PAPOLG: variants seen among roughly 807,000 people sequenced by gnomAD.
PAPOLG encodes the protein poly(A) polymerase gamma.
A neutral mutation model predicts 99.0 loss-of-function variants in PAPOLG; 40 were observed. The ratio of observed to expected loss-of-function variants is 0.40; its 90% CI spans 0.31 to 0.53. The LOEUF (loss-of-function observed/expected upper bound fraction) is 0.53, where lower values mean the gene tolerates loss of function less well. PAPOLG is among the 20% of genes least tolerant of loss of function. The probability of loss-of-function intolerance (pLI) is 0.41; values close to 1 mark genes in which losing one functional copy is unlikely to be tolerated. For missense variants in PAPOLG, 675 were observed against 884.1 expected, an observed-to-expected ratio of 0.76 and a Z score of 3.00; for synonymous variants, 310 against 299.3, an observed-to-expected ratio of 1.04 and a Z score of -0.37.
chr2:60,761,790 G>C lies in PAPOLG; in HGVS notation c.229G>C (p.Asp77His), dbSNP rs2103757922. 2 of 1,598,508 alleles carry C rather than the reference G, an allele frequency of 1.3e-6. No homozygotes were observed. Among genetic ancestry groups the C allele is most frequent in the Non-Finnish European group, 8.6e-7 (1 of 1,166,220 alleles). The part of the protein sequence containing the change: ...LNNLVKEWIS[D>H]VSESKNLPPS... ...CAATTTAGTAAAAGAATGGATTTCT[G>C]ATGTCAGCGAGAGTAAGGTAAGACT... Residue 77 changes from aspartate to histidine, a missense_variant, in exon 3 of 22, where the codon GAT becomes CAT. By Grantham distance (81) the Asp-to-His change is moderately conservative. Transcript: ENST00000238714.
intron 3 of PAPOLG, among the ~76,000 whole-genome samples, chr2:60,762,548 A>G (rs1670550119): frequency 6.6e-6 from 1 of 152,004 alleles, no homozygotes; most frequent in Non-Finnish European, 1.5e-5. Context: ...TCATTTCTAG[A>G]TTACTTAAAA....
Position 60,779,750 on chromosome 2 carries a change from A to C in PAPOLG, c.808A>C (p.Lys270Gln). The change falls in exon 9 of 22, where the codon AAG becomes CAG. Residue 270 changes from lysine (K) to glutamine (Q), a missense_variant. Transcript: ENST00000238714. ...TGCAGCAGCATCTACTTTAGTTCAT[A>C]AGTTCTTTTTAGTTTTTTCCAAGTG... ...PNAAASTLVH[K>Q]FFLVFSKWEW... 1.2e-6 allele frequency: 2 copies of C among 1,613,854 alleles called. No individual in the cohort carries two copies. Among genetic ancestry groups the C allele is most frequent in the Non-Finnish European group, 1.7e-6 (2 of 1,179,844 alleles).
chr2:60,778,231 C>T (rs1671079871), intron 8 of PAPOLG, among the ~76,000 whole-genome samples: 1 of 152,186 alleles, frequency 6.6e-6, no homozygotes, highest in South Asian at 2.1e-4. Context: ...ACTGCAGCCT[C>T]AACCTTCTGG....
chr2:60,795,838 G>A (rs185961883), intron 21 of PAPOLG, among the ~76,000 whole-genome samples: 1 of 152,170 alleles, frequency 6.6e-6, no homozygotes, highest in East Asian at 1.9e-4. Flanking sequence ...TTTAACATAA[G>A]ATTAAGTTAC....
At position 60,760,185 on chromosome 2, in the gene PAPOLG, C is replaced by G; in HGVS notation, c.69C>G (p.Ser23=). The stretch of plus-strand genomic sequence containing the variant: ...AACAAAAGCATTATGGAATTACCTC[C>G]CCAATTAGTTTGGCATCTCCTAAAG... ...QRQQKHYGIT[S]PISLASPKEI... The change falls in exon 2 of 22, where the codon TCC becomes TCG. Residue 23 remains serine (S), a synonymous_variant. Coordinates refer to ENST00000238714, the MANE Select transcript of PAPOLG (RefSeq NM_022894.4). 6.2e-7 allele frequency: 1 copy of G among 1,613,824 alleles called. No individual in the cohort carries two copies. The highest frequency in any genetic ancestry group is 8.5e-7 in the Non-Finnish European group (1 of 1,179,758).
intron 17 of PAPOLG, 73 bp from the exon 18 acceptor site, chr2:60,793,554 G>T (rs1671606196): frequency 6.5e-7 from 1 of 1,530,716 alleles, no homozygotes; most frequent in Non-Finnish European, 8.9e-7. Context: ...GTAGAATGAG[G>T]CCTTTTCTCA....
intron 1 of PAPOLG, among the ~76,000 whole-genome samples, chr2:60,758,328 G>GTTTTTTTTTTTT (rs61243299): frequency 1.4e-5 from 1 of 71,340 alleles, no homozygotes; most frequent in African/African-American, 5.7e-5. Context: ...GGTTTCTGGG[G>GTTTTTTTTTTTT]TTTTTTTTTT....
At chr2:60,797,001 T>C in intron 21 of PAPOLG, 61 bp from the exon 22 acceptor site, 2 of 1,596,404 alleles carry the variant, frequency 1.3e-6, no homozygotes, top group Non-Finnish European at 1.7e-6. Context: ...ACTTTCTAGC[T>C]GGGCCTTTAT....
At chr2:60,777,984 A>G (rs1671072386) in intron 8 of PAPOLG, among the ~76,000 whole-genome samples, 1 of 152,202 alleles carries the variant, frequency 6.6e-6, no homozygotes, top group Non-Finnish European at 1.5e-5. Flanking sequence ...AATTACTAAA[A>G]TGTGACACAG....
At chr2:60,757,743 T>A (rs980598041) in intron 1 of PAPOLG, among the ~76,000 whole-genome samples, 8 of 152,238 alleles carry the variant, frequency 5.3e-5, no homozygotes, top group Non-Finnish European at 1.0e-4. Flanking sequence ...CTTTTAGGTG[T>A]CTCTTTGTAC....
At chr2:60,767,441 A>T (rs187680211) in intron 3 of PAPOLG, among the ~76,000 whole-genome samples, 2 of 150,628 alleles carry the variant, frequency 1.3e-5, no homozygotes, top group Admixed American at 1.3e-4. Flanking sequence ...AGTAGCTGAG[A>T]CTACAGGCAC....
chr2:60,768,874 G>T lies in PAPOLG; in HGVS notation c.422G>T (p.Gly141Val). 6.3e-7 allele frequency: 1 copy of T among 1,586,700 alleles called. No individual in the cohort carries two copies. Among genetic ancestry groups the T allele is most frequent in the Admixed American group, 1.8e-5 (1 of 55,956 alleles). Residue 141 changes from glycine to valine, a missense_variant, in exon 5 of 22, where the codon GGC becomes GTC. Gly to Val is a moderately radical substitution (Grantham distance 109). This residue lies in a region of PAPOLG where 149 missense variants were observed against 192.1 expected (regional missense o/e 0.78). Coordinates refer to ENST00000238714, the MANE Select transcript of PAPOLG (RefSeq NM_022894.4). ...TTTGAAAAATTGAAACATCAAGATG[G>T]CATTAGAAACTTAAGAGTAAGTATC... ...SFFEKLKHQD[G>V]IRNLRAVEDA...
chr2:60,768,981 A>AAT, intron 5 of PAPOLG, 91 bp downstream of exon 5: 1 of 952,776 alleles, frequency 1.0e-6, no homozygotes. Context: ...AATACCTTCT[A>AAT]AGTTACTATT....
chr2:60,784,019 G>T (rs1671282281), intron 13 of PAPOLG, among the ~76,000 whole-genome samples: 1 of 151,748 alleles, frequency 6.6e-6, no homozygotes, highest in Non-Finnish European at 1.5e-5. Context: ...TGTTGCTGAG[G>T]CTGGAGTGCA....
chr2:60,790,639 G>A (rs1671503261), intron 15 of PAPOLG, among the ~76,000 whole-genome samples: 1 of 152,184 alleles, frequency 6.6e-6, no homozygotes, highest in African/African-American at 2.4e-5. Flanking sequence ...GGTATTCAGA[G>A]CTGTTTAGCC....
intron 7 of PAPOLG, among the ~76,000 whole-genome samples, chr2:60,774,781 G>A (rs1670967865): frequency 6.6e-6 from 1 of 152,156 alleles, no homozygotes; most frequent in Non-Finnish European, 1.5e-5. Context: ...GGAGGTATTT[G>A]ATTAATAGTC....
intron 1 of PAPOLG, among the ~76,000 whole-genome samples, chr2:60,757,127 A>G (rs1399811652): frequency 1.3e-5 from 2 of 152,216 alleles, no homozygotes; most frequent in African/African-American, 4.8e-5. Flanking sequence ...ATTAGGAAAT[A>G]ATTTAAACAT....
At chr2:60,773,562 A>G (rs1339908874) in intron 7 of PAPOLG, among the ~76,000 whole-genome samples, 4 of 152,182 alleles carry the variant, frequency 2.6e-5, no homozygotes, top group African/African-American at 4.8e-5. Flanking sequence ...ATGACAGTCC[A>G]CTGATCTGTC....
intron 3 of PAPOLG, among the ~76,000 whole-genome samples, chr2:60,765,235 C>CTTTTT (rs557009182): frequency 2.5e-5 from 3 of 119,844 alleles, no homozygotes; most frequent in African/African-American, 9.1e-5. Context: ...TGCCTAGCTA[C>CTTTTT]TTTTTTTTTT....
Sources: gnomAD v4.1 joint callset for allele counts (sites outside exome capture counted in the v4.1 genomes callset) on GRCh38, gnomAD v4.1.1 for gene constraint, gnomAD v4.1.1 regional missense constraint, MANE v1.5 for transcripts, NCBI Gene and HGNC (gene_info 2026-07-23, HGNC 2026-07-21) for gene names.